EVI5: variants seen among roughly 807,000 people sequenced by gnomAD.
EVI5 encodes the protein ecotropic viral integration site 5, also known as ecotropic viral integration site 5 protein homolog.
In EVI5, 73 loss-of-function variants were observed where a neutral mutation model predicts 112.0. That is an observed-to-expected ratio of 0.65 (90% CI 0.54 to 0.79). The LOEUF is 0.79. Among genes scored for constraint, EVI5 ranks in the 30% least tolerant of loss-of-function variants. The pLI is 0.00. For synonymous variants in EVI5, 305 were observed against 319.9 expected, an observed-to-expected ratio of 0.95 and a Z score of 0.50; for missense variants, 900 against 968.8, an observed-to-expected ratio of 0.93 and a Z score of 0.94.
chr1:92,705,928 T>C (rs1158923103), intron 2 of EVI5, among the ~76,000 whole-genome samples: 1 of 152,210 alleles, frequency 6.6e-6, no homozygotes, highest in Admixed American at 6.5e-5. Context: ...CTCATCTTTA[T>C]ATCCCTTAGA....
chr1:92,528,538 C>G (rs1036719251), intron 19 of EVI5, among the ~76,000 whole-genome samples: 24 of 152,166 alleles, frequency 1.6e-4, no homozygotes, highest in African/African-American at 5.5e-4. Flanking sequence ...ATAATAACCC[C>G]AAATGGAAAT....
intron 4 of EVI5, 56 bp from the exon 5 acceptor site, chr1:92,702,271 C>T: frequency 2.3e-6 from 2 of 880,576 alleles, no homozygotes; most frequent in Non-Finnish European, 3.5e-6. Flanking sequence ...CTTCCTTCTC[C>T]AAAAAACCTA....
chr1:92,721,510 C>T lies in EVI5; in HGVS notation c.149+14888G>A, dbSNP rs184973109. Among the ~76,000 whole-genome samples the T allele has an allele frequency of 4.6e-3, 699 of 152,226 alleles. 4 individuals carry two copies. Among genetic ancestry groups the T allele is most frequent in the African/African-American group, 0.016 (678 of 41,546 alleles). ...CTTGGACACAGGGAGGGAAACATCA[C>T]ACCCTGGTGCCTGTCAAGGGGTGGA... On this transcript the variant is annotated intron_variant, in intron 2 of 19. Coordinates refer to ENST00000684568, the MANE Select transcript of EVI5 (RefSeq NM_001350197.2).
intron 19 of EVI5, among the ~76,000 whole-genome samples, chr1:92,535,490 A>C (rs1663721369): frequency 6.6e-6 from 1 of 152,206 alleles, no homozygotes; most frequent in African/African-American, 2.4e-5. Context: ...TCATGATAGC[A>C]AAGACTTGGA....
intron 19 of EVI5, among the ~76,000 whole-genome samples, chr1:92,521,983 C>T (rs1478104351): frequency 2.6e-5 from 4 of 152,194 alleles, no homozygotes; most frequent in Admixed American, 1.3e-4. Context: ...ATTTCTCTAA[C>T]CTTATTGACT....
At chr1:92,738,452 G>A (rs558587807) in intron 1 of EVI5, among the ~76,000 whole-genome samples, 2 of 152,144 alleles carry the variant, frequency 1.3e-5, no homozygotes, top group Admixed American at 1.3e-4. Flanking sequence ...AATAATTAAT[G>A]CTTTACATTT....
Position 92,636,129 on chromosome 1 carries a change from C to T in EVI5, c.1527+73G>A, listed in dbSNP as rs532258598. On this transcript the variant is annotated intron_variant, in intron 14 of 19. Coordinates refer to ENST00000684568, the MANE Select transcript of EVI5 (RefSeq NM_001350197.2). ...TAAAAACACCAAGTCAATTAAATTG[C>T]TCAGTAAGTACTTAATAAATATCAC... 3.1e-5 allele frequency: 37 copies of T among 1,211,560 alleles called. No homozygotes were observed. The South Asian group carries it at 5.4e-4, about 18-fold the overall frequency. 75.1% of individuals were successfully genotyped at this position (1,211,560 alleles called of 1,614,324 possible). A position where few individuals can be genotyped will look rare whatever the true frequency, so the allele number is the denominator to read the frequency against.
intron 1 of EVI5, among the ~76,000 whole-genome samples, chr1:92,766,017 G>C (rs1682575644): frequency 6.6e-6 from 1 of 151,176 alleles, no homozygotes; most frequent in Non-Finnish European, 1.5e-5. Context: ...GGGATTACTT[G>C]AGCCCAAGAG....
At chr1:92,574,923 C>T (rs1354728910) in intron 18 of EVI5, among the ~76,000 whole-genome samples, 3 of 152,128 alleles carry the variant, frequency 2.0e-5, no homozygotes, top group African/African-American at 4.8e-5. Context: ...AGCTATGTTT[C>T]GAGCCATAGG....
At chr1:92,596,304 G>A (rs1338022711) in intron 18 of EVI5, among the ~76,000 whole-genome samples, 2 of 152,148 alleles carry the variant, frequency 1.3e-5, no homozygotes, top group Non-Finnish European at 2.9e-5. Context: ...AGGTTACAAT[G>A]AGCCGTGACT....
intron 1 of EVI5, among the ~76,000 whole-genome samples, chr1:92,774,979 C>T (rs1394174682): frequency 6.6e-6 from 1 of 152,250 alleles, no homozygotes; most frequent in Non-Finnish European, 1.5e-5. Flanking sequence ...AATCTACATT[C>T]TTCCAATGAG....
chr1:92,584,126 C>A (rs991085640), intron 18 of EVI5, among the ~76,000 whole-genome samples: 1 of 152,142 alleles, frequency 6.6e-6, no homozygotes, highest in Non-Finnish European at 1.5e-5. Flanking sequence ...ATATTATACC[C>A]ACAGATGAAA....
At chr1:92,556,459 C>T (rs756111921) in intron 19 of EVI5, among the ~76,000 whole-genome samples, 5 of 152,000 alleles carry the variant, frequency 3.3e-5, no homozygotes, top group Non-Finnish European at 5.9e-5. Flanking sequence ...TGGAAACTGT[C>T]ATTTTAAGTA....
chr1:92,747,637 C>A (rs1443480190), intron 1 of EVI5, among the ~76,000 whole-genome samples: 1 of 138,248 alleles, frequency 7.2e-6, no homozygotes, highest in Non-Finnish European at 1.5e-5. Flanking sequence ...TTGTTTGAAC[C>A]CGGAAGGCGG....
chr1:92,551,494 G>GT (rs1419621712), intron 19 of EVI5, among the ~76,000 whole-genome samples: 1 of 152,162 alleles, frequency 6.6e-6, no homozygotes, highest in Non-Finnish European at 1.5e-5. Context: ...TAAAACCAGA[G>GT]TAAGTTCACA....
At chr1:92,595,687 A>C (rs913803981) in intron 18 of EVI5, among the ~76,000 whole-genome samples, 1 of 152,198 alleles carries the variant, frequency 6.6e-6, no homozygotes, top group African/African-American at 2.4e-5. Flanking sequence ...GGCCTCAAGT[A>C]CCGGGTATAT....
At chr1:92,557,726 CT>C (rs946289802) in intron 19 of EVI5, among the ~76,000 whole-genome samples, 105 of 143,784 alleles carry the variant, frequency 7.3e-4, no homozygotes, top group Non-Finnish European at 6.9e-4. Flanking sequence ...CCGAAGAAAA[CT>C]TTTTTTTTTT....
At chr1:92,738,517 A>AC (rs1225841090) in intron 1 of EVI5, among the ~76,000 whole-genome samples, 3 of 152,262 alleles carry the variant, frequency 2.0e-5, no homozygotes, top group Non-Finnish European at 4.4e-5. Context: ...AGCAAAAGAC[A>AC]CCTATTAATT....
At chr1:92,636,780 G>C (rs955190052) in intron 13 of EVI5, among the ~76,000 whole-genome samples, 1 of 151,902 alleles carries the variant, frequency 6.6e-6, no homozygotes, top group African/African-American at 2.4e-5. Context: ...GGATTTTGAA[G>C]AATTAATATG....
Sources: allele counts gnomAD v4.1 joint callset (sites outside exome capture counted in the v4.1 genomes callset), GRCh38; gene constraint gnomAD v4.1.1; transcripts MANE v1.5; gene names NCBI Gene and HGNC (gene_info 2026-07-23, HGNC 2026-07-21).